The following PCYT1B variants were observed in gnomAD, a reference collection of about 807,000 sequenced individuals.
PCYT1B encodes the protein phosphate cytidylyltransferase 1B, choline.
PCYT1B carries 10 observed loss-of-function variants against 26.4 expected under a neutral mutation model. The observed-to-expected ratio is 0.38, with a 90% CI of 0.23 to 0.64. The LOEUF is 0.64. PCYT1B is among the 30% of genes least tolerant of loss of function. PCYT1B has a pLI of 0.56. For missense variants in PCYT1B, 161 were observed against 292.7 expected, an observed-to-expected ratio of 0.55 and a Z score of 3.28; for synonymous variants, 131 against 108.4, an observed-to-expected ratio of 1.21 and a Z score of -1.29.
chrX:24,621,578 G>A (rs1771557678), intron 1 of PCYT1B, among the ~76,000 whole-genome samples: 1 of 111,217 alleles, frequency 9.0e-6, no homozygotes, highest in Non-Finnish European at 1.9e-5. Flanking sequence ...CTGGGTTCAA[G>A]TAATTCTCCT....
intron 3 of PCYT1B, among the ~76,000 whole-genome samples, chrX:24,601,493 G>GAAA (rs770641178): frequency 1.8e-5 from 1 of 55,140 alleles, no homozygotes; most frequent in Non-Finnish European, 3.7e-5. Flanking sequence ...ACTCTTTCTC[G>GAAA]AAAAAAAAAA....
intron 1 of PCYT1B, among the ~76,000 whole-genome samples, chrX:24,639,783 T>C (rs758468580): frequency 9.0e-6 from 1 of 111,381 alleles, no homozygotes; most frequent in South Asian, 3.9e-4. Flanking sequence ...TCCTTGCCAC[T>C]ACAGTGGGAG....
At chrX:24,605,847 A>G (rs1165782195) in intron 3 of PCYT1B, among the ~76,000 whole-genome samples, 1 of 109,488 alleles carries the variant, frequency 9.1e-6, no homozygotes, top group Non-Finnish European at 1.9e-5. Flanking sequence ...TGAGGTCAGG[A>G]GTTGAAGACC....
At chrX:24,575,423 T>C (rs1923984240) in intron 6 of PCYT1B, 105 bp from the exon 7 acceptor site, 1 of 634,267 alleles carries the variant, frequency 1.6e-6, no homozygotes, top group East Asian at 3.7e-5. Flanking sequence ...TTTGTATTTG[T>C]TCCTAACCTG....
At chrX:24,670,592 A>G (rs944254278) in intron 1 of PCYT1B, among the ~76,000 whole-genome samples, 12 of 112,234 alleles carry the variant, frequency 1.1e-4, no homozygotes, top group Admixed American at 7.6e-4. Flanking sequence ...ATTCTTTATT[A>G]TTGTTACCAT....
chrX:24,617,271 A>C (rs1269932483), intron 2 of PCYT1B, among the ~76,000 whole-genome samples: 1 of 110,786 alleles, frequency 9.0e-6, no homozygotes, highest in Non-Finnish European at 1.9e-5. Context: ...CATGATACAT[A>C]TAAAGATCTT....
At chrX:24,654,120 T>TG (rs1926846375) in intron 1 of PCYT1B, among the ~76,000 whole-genome samples, 1 of 77,214 alleles carries the variant, frequency 1.3e-5, no homozygotes, top group African/African-American at 4.8e-5. Context: ...TTTTTTTTTT[T>TG]GAGATGGAGT....
chrX:24,602,618 C>T (rs1195266398), intron 3 of PCYT1B, among the ~76,000 whole-genome samples: 3 of 110,612 alleles, frequency 2.7e-5, no homozygotes, highest in Non-Finnish European at 5.7e-5. Context: ...TGTGCCTGTG[C>T]GAGAAAGGAG....
At chrX:24,672,457 GT>G in intron 1 of PCYT1B, 2 of 499,514 alleles carry the variant, frequency 4.0e-6, no homozygotes, top group Non-Finnish European at 6.6e-6. Flanking sequence ...CATTTTTAGT[GT>G]GACTATTAAT....
intron 3 of PCYT1B, among the ~76,000 whole-genome samples, chrX:24,595,047 G>A (rs1373291107): frequency 9.1e-6 from 1 of 110,290 alleles, no homozygotes; most frequent in Non-Finnish European, 1.9e-5. Flanking sequence ...AGCCATTTAC[G>A]AATAGTAGTA....
At chrX:24,652,223 G>T (rs144327644), upstream of PCYT1B, among the ~76,000 whole-genome samples, 6 of 112,335 alleles carry the variant, frequency 5.3e-5, no homozygotes, top group Admixed American at 5.7e-4. Context: ...TTAGCACTAT[G>T]GTATTAGGTT....
At chrX:24,575,450 C>T (rs1602152954) in intron 6 of PCYT1B, 132 bp from the exon 7 acceptor site, 4 of 497,976 alleles carry the variant, frequency 8.0e-6, no homozygotes, top group East Asian at 8.0e-5. Flanking sequence ...CAAGATGTTG[C>T]CATTTCCCAA....
At chrX:24,625,444 T>C (rs1022915586) in intron 1 of PCYT1B, among the ~76,000 whole-genome samples, 5 of 110,898 alleles carry the variant, frequency 4.5e-5, no homozygotes, top group Admixed American at 3.9e-4. Flanking sequence ...ACTGGATTCT[T>C]AGACTGTGTC....
At chrX:24,599,262 T>G (rs1316538742) in intron 3 of PCYT1B, among the ~76,000 whole-genome samples, 1 of 111,826 alleles carries the variant, frequency 8.9e-6, no homozygotes, top group Non-Finnish European at 1.9e-5. Context: ...AATTGTCACT[T>G]GATAGACCAT....
intron 2 of PCYT1B, 33 bp from the exon 3 acceptor site, chrX:24,607,894 T>C (rs779825005): frequency 3.7e-6 from 3 of 817,001 alleles, no homozygotes; most frequent in Non-Finnish European, 5.4e-6. Context: ...TTAACAGAAC[T>C]GCAGAATGAG....
chrX:24,671,355 A>ATCAG (rs978607681), intron 1 of PCYT1B, among the ~76,000 whole-genome samples: 1 of 110,638 alleles, frequency 9.0e-6, no homozygotes, highest in African/African-American at 3.3e-5. Context: ...CAATCAATCA[A>ATCAG]TCAATCAATG....
intron 2 of PCYT1B, among the ~76,000 whole-genome samples, chrX:24,617,376 T>G (rs1925536953): frequency 9.5e-6 from 1 of 105,598 alleles, no homozygotes; most frequent in Non-Finnish European, 1.9e-5. Flanking sequence ...TGTTTGTTTT[T>G]TTTTTTGTTT....
At chrX:24,594,252 G>A (rs940710863) in intron 3 of PCYT1B, among the ~76,000 whole-genome samples, 2 of 111,202 alleles carry the variant, frequency 1.8e-5, no homozygotes, top group Non-Finnish European at 3.8e-5. Context: ...TGGGCAGGAG[G>A]GACAGGTAGT....
chrX:24,625,577 A>G lies in PCYT1B; in HGVS notation c.118-6493T>C, dbSNP rs779839310. The stretch of plus-strand genomic sequence containing the variant: ...GCACCAAGAAATATCCATTTTTTTC[A>G]TTTAGTTATGTATGGAATGTACATG... On this transcript the variant is annotated intron_variant, in intron 1 of 7. Transcript: ENST00000379144. Among the ~76,000 whole-genome samples, 3 of 108,650 alleles carry G rather than the reference A, an allele frequency of 2.8e-5. No homozygotes were observed. In the East Asian group the frequency reaches 8.6e-4, roughly 31 times the overall value. The allele number at this position is 108,650 out of a possible 115,157, so 94.3% of individuals were successfully genotyped here.
Sources: allele counts gnomAD v4.1 joint callset (sites outside exome capture counted in the v4.1 genomes callset), GRCh38; gene constraint gnomAD v4.1.1; transcripts MANE v1.5; gene names NCBI Gene and HGNC (gene_info 2026-07-23, HGNC 2026-07-21).